RBMS3: variants seen among roughly 807,000 people sequenced by gnomAD.
The protein encoded by RBMS3 is RNA-binding motif, single-stranded-interacting protein 3.
Under a neutral mutation model 66.8 loss-of-function variants are expected in RBMS3, and 27 were observed. The ratio of observed to expected loss-of-function variants is 0.40; its 90% CI spans 0.30 to 0.56. The LOEUF (loss-of-function observed/expected upper bound fraction) is 0.56, where lower values mean the gene tolerates loss of function less well. Among genes scored for constraint, RBMS3 ranks in the 20% least tolerant of loss-of-function variants. The pLI, the probability that RBMS3 is intolerant of heterozygous loss-of-function variation, is 0.40. For synonymous variants in RBMS3, 188 were observed against 183.0 expected (o/e 1.03, Z -0.22); for missense variants, 513 against 549.5 (o/e 0.93, Z 0.66).
At chr3:29,480,380 G>A (rs1295104327) in intron 2 of RBMS3, among the ~76,000 whole-genome samples, 1 of 152,136 alleles carries the variant, frequency 6.6e-6, no homozygotes, top group Non-Finnish European at 1.5e-5. Context: ...AACTCAACTG[G>A]ACTGAGGATT....
chr3:29,569,367 T>C (rs1371352102), intron 3 of RBMS3, among the ~76,000 whole-genome samples: 5 of 152,036 alleles, frequency 3.3e-5, no homozygotes, highest in African/African-American at 7.2e-5. Context: ...GCTGATACCA[T>C]CAGCAAGCAT....
chr3:29,519,026 G>A (rs1343082315), intron 3 of RBMS3, among the ~76,000 whole-genome samples: 1 of 152,146 alleles, frequency 6.6e-6, no homozygotes, highest in Non-Finnish European at 1.5e-5. Context: ...TGCGCTTTGA[G>A]TGTATTTTCG....
intron 4 of RBMS3, among the ~76,000 whole-genome samples, chr3:29,718,542 C>T (rs181513624): frequency 6.4e-4 from 98 of 152,096 alleles, no homozygotes; most frequent in African/African-American, 2.3e-3. Flanking sequence ...TAGAAAGCAC[C>T]GAGATGAAAA....
At chr3:29,907,420 C>T (rs1206387162) in intron 10 of RBMS3, among the ~76,000 whole-genome samples, 2 of 151,950 alleles carry the variant, frequency 1.3e-5, no homozygotes, top group Non-Finnish European at 2.9e-5. Flanking sequence ...ATGGATATGC[C>T]ACTATGAATT....
rs540030921 is a variant in RBMS3, at chr3:29,611,610, G to A, written c.399+24405G>A. 1.6e-3 allele frequency among the ~76,000 whole-genome samples: 247 copies of A among 151,952 alleles called. 1 individual carries two copies. The highest frequency in any genetic ancestry group is 5.8e-3 in the African/African-American group (241 of 41,462). The stretch of plus-strand genomic sequence containing the variant: ...TGAGTCAAAGAATCTTCATAAGTTC[G>A]TAATTCAAGTTAATCTTTCAATGGA... On this transcript the variant is annotated intron_variant, in intron 4 of 14. Coordinates refer to ENST00000383767, the MANE Select transcript of RBMS3 (RefSeq NM_001003793.3).
chr3:29,917,261 C>T (rs1030719217), intron 10 of RBMS3, among the ~76,000 whole-genome samples: 1 of 152,004 alleles, frequency 6.6e-6, no homozygotes, highest in African/African-American at 2.4e-5. Flanking sequence ...GTAAAAATAG[C>T]AAGCAGGTGT....
intron 6 of RBMS3, among the ~76,000 whole-genome samples, chr3:29,778,468 A>G (rs1158537939): frequency 6.6e-6 from 1 of 150,694 alleles, no homozygotes; most frequent in Non-Finnish European, 1.5e-5. Context: ...GGGAATTACT[A>G]TGTGCCAAAT....
intron 3 of RBMS3, among the ~76,000 whole-genome samples, chr3:29,513,441 C>G (rs1413956518): frequency 6.6e-6 from 1 of 152,164 alleles, no homozygotes; most frequent in Non-Finnish European, 1.5e-5. Context: ...ACCATTCCAA[C>G]TGGCCCCCAC....
intron 12 of RBMS3, among the ~76,000 whole-genome samples, chr3:29,981,438 T>C (rs560739713): frequency 6.6e-6 from 1 of 152,302 alleles, no homozygotes; most frequent in East Asian, 1.9e-4. Flanking sequence ...TCTTGCCTGA[T>C]TGACCTGGCC....
intron 1 of RBMS3, among the ~76,000 whole-genome samples, chr3:29,400,639 A>G (rs1215846545): frequency 1.3e-5 from 2 of 151,986 alleles, no homozygotes; most frequent in Non-Finnish European, 2.9e-5. Context: ...GCTGCAATCA[A>G]TTGGGAAAAG....
chr3:29,637,913 T>G (rs558069545), intron 4 of RBMS3, among the ~76,000 whole-genome samples: 1 of 152,024 alleles, frequency 6.6e-6, no homozygotes, highest in Non-Finnish European at 1.5e-5. Flanking sequence ...CTGGTAGTAG[T>G]TAGATGCCAC....
chr3:29,564,012 AAAAAAG>A (rs1175538585), intron 3 of RBMS3, among the ~76,000 whole-genome samples: 1 of 151,876 alleles, frequency 6.6e-6, no homozygotes, highest in Non-Finnish European at 1.5e-5. Flanking sequence ...GTCAAAAAAA[AAAAAAG>A]AAAAAGAAAA....
intron 5 of RBMS3, among the ~76,000 whole-genome samples, chr3:29,745,248 G>GTGT (rs1553655281): frequency 2.7e-5 from 4 of 150,902 alleles, no homozygotes; most frequent in African/African-American, 9.7e-5. Context: ...GTGTGTGTGT[G>GTGT]TTTTTTTTTA....
intron 1 of RBMS3, among the ~76,000 whole-genome samples, chr3:29,399,968 T>C (rs1008848694): frequency 6.6e-6 from 1 of 152,108 alleles, no homozygotes; most frequent in African/African-American, 2.4e-5. Context: ...ATTCTATACA[T>C]GTGCCAGGTT....
chr3:30,000,679 C>T (rs1003549138), intron 14 of RBMS3, among the ~76,000 whole-genome samples: 2 of 152,108 alleles, frequency 1.3e-5, no homozygotes, highest in African/African-American at 4.8e-5. Flanking sequence ...GAAAATGTGG[C>T]ATATATACAC....
intron 1 of RBMS3, among the ~76,000 whole-genome samples, chr3:29,358,613 T>C (rs891136966): frequency 6.6e-5 from 10 of 152,326 alleles, no homozygotes; most frequent in African/African-American, 2.4e-4. Context: ...GGGGATGGCA[T>C]TGAATCTATA....
Position 29,349,551 on chromosome 3 carries a change from CAGAAT to C in RBMS3, c.75+67797_75+67801del, listed in dbSNP as rs562028532. The stretch of plus-strand genomic sequence containing the variant: ...TCTGTCTTAACTTGAGAAGCAAGCA[CAGAAT>C]AACTTTCTCCAAACAGATCTTTAAC... On this transcript the variant is annotated intron_variant, in intron 1 of 14. Coordinates refer to ENST00000383767, the MANE Select transcript of RBMS3 (RefSeq NM_001003793.3). 1.3e-4 allele frequency among the ~76,000 whole-genome samples: 20 copies of C among 152,334 alleles called. No homozygotes were observed. In the East Asian group the frequency reaches 1.5e-3, roughly 12 times the overall value.
intron 9 of RBMS3, among the ~76,000 whole-genome samples, chr3:29,898,254 G>A (rs374364123): frequency 2.8e-4 from 43 of 151,640 alleles, no homozygotes; most frequent in African/African-American, 1.0e-3. Flanking sequence ...ATTAGAAAAC[G>A]CCTATATATA....
At chr3:29,697,460 C>T (rs967603181) in intron 4 of RBMS3, among the ~76,000 whole-genome samples, 3 of 152,328 alleles carry the variant, frequency 2.0e-5, no homozygotes, top group African/African-American at 7.2e-5. Flanking sequence ...ATCCACCTAT[C>T]TGAGCTACCT....
Sources: gnomAD v4.1 joint callset for allele counts (sites outside exome capture counted in the v4.1 genomes callset) on GRCh38, gnomAD v4.1.1 for gene constraint, MANE v1.5 for transcripts, NCBI Gene and HGNC (gene_info 2026-07-23, HGNC 2026-07-21) for gene names.